The following EMC2 variants were observed in gnomAD, a reference collection of about 807,000 sequenced individuals.
The protein encoded by EMC2 is ER membrane protein complex subunit 2, also known as TPR repeat protein 35.
Under a neutral mutation model 51.6 loss-of-function variants are expected in EMC2, and 37 were observed. The ratio of observed to expected loss-of-function variants is 0.72; its 90% CI spans 0.55 to 0.94. The LOEUF (loss-of-function observed/expected upper bound fraction) is 0.94. EMC2 is among the 40% of genes least tolerant of loss of function. The pLI is 0.00. For synonymous variants in EMC2, 131 were observed against 112.4 expected, an observed-to-expected ratio of 1.17 and a Z score of -1.04; for missense variants, 359 against 350.9, an observed-to-expected ratio of 1.02 and a Z score of -0.18.
At chr8:108,478,757 A>G (rs1311234336) in intron 9 of EMC2, among the ~76,000 whole-genome samples, 1 of 151,914 alleles carries the variant, frequency 6.6e-6, no homozygotes, top group East Asian at 1.9e-4. Context: ...TTACAGGTAC[A>G]TAATTAAATA....
chr8:108,488,488 A>T lies in EMC2; in HGVS notation c.*1890A>T, dbSNP rs571251383. 6.6e-6 allele frequency among the ~76,000 whole-genome samples: 1 copy of T among 152,158 alleles called. No individual in the cohort carries two copies. Among genetic ancestry groups the T allele is most frequent in the African/African-American group, 2.4e-5 (1 of 41,448 alleles). On this transcript the variant is annotated 3_prime_UTR_variant, in exon 11 of 11. Transcript: ENST00000220853. ...ATCACTTTATTTTTTCAAAATTTTAATAACTTCTTTCCAAGATTTTATATT... is the reference window on the plus strand; with the variant it reads ...ATCACTTTATTTTTTCAAAATTTTATTAACTTCTTTCCAAGATTTTATATT...
intron 5 of EMC2, among the ~76,000 whole-genome samples, chr8:108,457,912 G>C (rs948437456): frequency 7.9e-5 from 12 of 152,180 alleles, no homozygotes; most frequent in Non-Finnish European, 1.5e-4. Flanking sequence ...TCTGAGATAA[G>C]GCAAGTCCCT....
At chr8:108,462,212 T>G (rs111601187) in intron 5 of EMC2, among the ~76,000 whole-genome samples, 1 of 31,860 alleles carries the variant, frequency 3.1e-5, no homozygotes, top group Non-Finnish European at 5.7e-5. Flanking sequence ...GTGTGTGTGT[T>G]TTGTGTGCGT....
In EMC2 at chr8:108,453,029, A is replaced by C. The variant is rs760055707; in HGVS notation, c.220-33A>C. 8.0e-6 allele frequency: 10 copies of C among 1,251,864 alleles called. No individual in the cohort carries two copies. In the South Asian group the frequency reaches 1.3e-4, roughly 17 times the overall value. 77.5% of individuals were successfully genotyped at this position (1,251,864 alleles called of 1,614,324 possible). On this transcript the variant is annotated intron_variant, in intron 3 of 10. Transcript: ENST00000220853. ...CCATTGTAGCCCATTTAGTATAAAT[A>C]ATGTAATTACTACTCAACCCTTATT...
chr8:108,464,575 C>T (rs1819420756), intron 5 of EMC2, among the ~76,000 whole-genome samples: 1 of 152,178 alleles, frequency 6.6e-6, no homozygotes, highest in Non-Finnish European at 1.5e-5. Context: ...TTGTGGATAC[C>T]CCCAGGGGTT....
intron 5 of EMC2, among the ~76,000 whole-genome samples, chr8:108,460,842 T>C (rs1819301729): frequency 6.6e-6 from 1 of 152,216 alleles, no homozygotes; most frequent in Non-Finnish European, 1.5e-5. Context: ...GCTAAATGTA[T>C]TATTCTTGTA....
chr8:108,478,251 T>G (rs1453519303), intron 9 of EMC2, among the ~76,000 whole-genome samples: 2 of 152,070 alleles, frequency 1.3e-5, no homozygotes, highest in Admixed American at 6.6e-5. Flanking sequence ...TATATCTTAC[T>G]CTTCACAGTA....
intron 1 of EMC2, 62 bp from the exon 2 acceptor site, chr8:108,449,761 A>G (rs1046796771): frequency 2.2e-5 from 15 of 672,106 alleles, no homozygotes; most frequent in Admixed American, 1.1e-4. Flanking sequence ...TTTGACATCT[A>G]TCGGATGTGT....
chr8:108,450,448 G>A lies in EMC2; in HGVS notation c.175G>A (p.Val59Met), dbSNP rs2130336190. 6.2e-7 allele frequency: 1 copy of A among 1,602,190 alleles called. No homozygotes were observed. The highest frequency in any genetic ancestry group is 2.2e-5 in the East Asian group (1 of 44,730). Reference protein sequence around the residue: ...GDDIWIIYEQVMIAALDYGRD... With the variant: ...GDDIWIIYEQMMIAALDYGRD... The stretch of plus-strand genomic sequence containing the variant: ...TCTAGTTTGGATCATATATGAACAG[G>A]TGATGATTGCAGCACTAGACTATGG... Residue 59 changes from valine (V) to methionine (M), a missense_variant, in exon 3 of 11, where the codon GTG (valine) becomes ATG (methionine). Coordinates refer to ENST00000220853, the MANE Select transcript of EMC2 (RefSeq NM_014673.5).
intron 9 of EMC2, among the ~76,000 whole-genome samples, chr8:108,478,381 A>T (rs1810984600): frequency 6.6e-6 from 1 of 152,078 alleles, no homozygotes. Context: ...ATCAAATTGC[A>T]GGGACTAATT....
intron 10 of EMC2, among the ~76,000 whole-genome samples, chr8:108,481,083 T>C (rs1811036764): frequency 6.6e-6 from 1 of 152,154 alleles, no homozygotes; most frequent in African/African-American, 2.4e-5. Context: ...CATGCTGCTC[T>C]TGATGACATA....
chr8:108,457,310 G>A (rs1173221304), intron 5 of EMC2, among the ~76,000 whole-genome samples: 3 of 149,288 alleles, frequency 2.0e-5, no homozygotes, highest in Admixed American at 1.3e-4. Flanking sequence ...GGGGGTTTGT[G>A]TAGGGATGTG....
At position 108,470,062 on chromosome 8, in the gene EMC2, A is replaced by G. The variant is rs761779629; in HGVS notation, c.450A>G (p.Gln150=). The G allele has an allele frequency of 5.0e-6, 8 of 1,612,418 alleles. 1 individual carries two copies. The highest frequency in any genetic ancestry group is 3.3e-5 in the South Asian group (3 of 91,012). The part of the protein sequence containing the change: ...AIRELNEYLE[Q]FVGDQEAWHE... Reference sequence around the variant, plus strand: ...CTTTTTTTTCTTTTCCTCTCACCAGATTTGTTGGAGACCAAGAAGCCTGGC... The same window carrying G: ...CTTTTTTTTCTTTTCCTCTCACCAGGTTTGTTGGAGACCAAGAAGCCTGGC... Residue 150 remains glutamine (Q), a splice_region_variant and synonymous_variant, in exon 7 of 11, where the codon CAA becomes CAG. Transcript: ENST00000220853.
intron 5 of EMC2, among the ~76,000 whole-genome samples, chr8:108,466,163 G>C (rs1004263491): frequency 6.6e-6 from 1 of 152,094 alleles, no homozygotes; most frequent in Admixed American, 6.5e-5. Context: ...CTTACAGTTA[G>C]TAAGAAATTC....
At chr8:108,455,456 C>G (rs1032425117) in intron 4 of EMC2, among the ~76,000 whole-genome samples, 4 of 152,052 alleles carry the variant, frequency 2.6e-5, no homozygotes, top group African/African-American at 9.7e-5. Context: ...TTTTTGCATC[C>G]TGTTTACTTT....
intron 5 of EMC2, among the ~76,000 whole-genome samples, chr8:108,459,057 GTC>G (rs1470809294): frequency 1.3e-5 from 2 of 152,168 alleles, no homozygotes; most frequent in African/African-American, 4.8e-5. Flanking sequence ...AATGCCACCA[GTC>G]TCTTTGCTAA....
At chr8:108,445,490 C>A (rs1818856706) in intron 1 of EMC2, among the ~76,000 whole-genome samples, 1 of 152,036 alleles carries the variant, frequency 6.6e-6, no homozygotes, top group Non-Finnish European at 1.5e-5. Flanking sequence ...ACTCTTGCCC[C>A]CATTAAACTT....
chr8:108,463,426 T>TTTC (rs1819381033), intron 5 of EMC2, among the ~76,000 whole-genome samples: 1 of 152,128 alleles, frequency 6.6e-6, no homozygotes, highest in Non-Finnish European at 1.5e-5. Flanking sequence ...ATGATTGACT[T>TTTC]TTCATACTTT....
intron 5 of EMC2, among the ~76,000 whole-genome samples, chr8:108,468,508 C>T (rs1810778280): frequency 6.6e-6 from 1 of 151,778 alleles, no homozygotes; most frequent in Non-Finnish European, 1.5e-5. Flanking sequence ...ATTATTAAAA[C>T]ATCATTTTTT....
Sources: gnomAD v4.1 joint callset for allele counts (sites outside exome capture counted in the v4.1 genomes callset) on GRCh38, gnomAD v4.1.1 for gene constraint, MANE v1.5 for transcripts, NCBI Gene and HGNC (gene_info 2026-07-23, HGNC 2026-07-21) for gene names.